The following TBCK variants were observed in gnomAD, a reference collection of about 807,000 sequenced individuals.
The protein encoded by TBCK is TBC domain-containing protein kinase-like protein.
Under a neutral mutation model 113.4 loss-of-function variants are expected in TBCK, and 99 were observed. The observed-to-expected ratio is 0.87, with a 90% CI of 0.74 to 1.03. TBCK has a LOEUF of 1.03. Ranked by LOEUF, TBCK falls within the 50% of genes least tolerant of loss-of-function variation. TBCK has a pLI of 0.00. For synonymous variants in TBCK, 369 were observed against 370.8 expected, an observed-to-expected ratio of 1.00 and a Z score of 0.05; for missense variants, 1,045 against 1,061.3, an observed-to-expected ratio of 0.98 and a Z score of 0.21.
chr4:106,308,938 T>A lies in TBCK; in HGVS notation c.23A>T (p.Glu8Val). 9 of 1,614,002 alleles carry A rather than the reference T, an allele frequency of 5.6e-6. No homozygotes were observed. The highest frequency in any genetic ancestry group is 7.6e-6 in the Non-Finnish European group (9 of 1,179,970). Residue 8 changes from glutamate to valine, a missense_variant, in exon 2 of 26, where the codon GAA becomes GTA. By Grantham distance (121) the Glu-to-Val change is moderately radical. Transcript: ENST00000394708. ...GGCAAAGAAGGTAAAGGCTCCCATT[T>A]CAGCGTCCTTCAGGGGAAACATTTT... MFPLKDA[E>V]MGAFTFFASA...
At chr4:106,146,733 G>C (rs1049547841) in intron 23 of TBCK, among the ~76,000 whole-genome samples, 2 of 152,160 alleles carry the variant, frequency 1.3e-5, no homozygotes, top group African/African-American at 4.8e-5. Context: ...TGAAGGCTGA[G>C]GTGGCTGTGG....
intron 25 of TBCK, among the ~76,000 whole-genome samples, chr4:106,083,597 T>A (rs1009609141): frequency 6.6e-6 from 1 of 152,126 alleles, no homozygotes; most frequent in African/African-American, 2.4e-5. Context: ...AAGTACTTCA[T>A]TAAACAGGTC....
chr4:106,161,710 G>A (rs904958490), intron 23 of TBCK, among the ~76,000 whole-genome samples: 1 of 151,808 alleles, frequency 6.6e-6, no homozygotes, highest in Non-Finnish European at 1.5e-5. Flanking sequence ...CTGTGTGTGT[G>A]TGTGTGTGTG....
intron 25 of TBCK, among the ~76,000 whole-genome samples, chr4:106,085,542 T>TA (rs1482442261): frequency 2.0e-5 from 3 of 152,130 alleles, no homozygotes; most frequent in Admixed American, 2.0e-4. Context: ...CCACTGTCAG[T>TA]ATTAGATCAA....
intron 25 of TBCK, among the ~76,000 whole-genome samples, chr4:106,051,073 G>A (rs774652620): frequency 1.3e-4 from 20 of 151,936 alleles, no homozygotes; most frequent in Non-Finnish European, 4.4e-5. Flanking sequence ...GCAGTAGCAG[G>A]AGAATAAGTG....
chr4:106,189,980 A>C (rs571106277), intron 22 of TBCK, among the ~76,000 whole-genome samples: 180 of 152,262 alleles, frequency 1.2e-3, no homozygotes, highest in African/African-American at 4.1e-3. Context: ...AATAATTTCA[A>C]ATATTATCTT....
intron 23 of TBCK, among the ~76,000 whole-genome samples, chr4:106,147,002 T>C (rs1747878440): frequency 6.6e-6 from 1 of 152,202 alleles, no homozygotes; most frequent in African/African-American, 2.4e-5. Context: ...CTAAGAAACT[T>C]TTTTTGCTCA....
intron 3 of TBCK, among the ~76,000 whole-genome samples, chr4:106,292,549 G>A (rs1190077885): frequency 8.8e-5 from 13 of 147,154 alleles, no homozygotes; most frequent in African/African-American, 3.0e-4. Context: ...CAGCCTGGGC[G>A]ACAGAGCAAG....
intron 9 of TBCK, 149 bp from the exon 10 acceptor site, chr4:106,247,436 T>G: frequency 1.6e-6 from 1 of 624,694 alleles, no homozygotes; most frequent in Non-Finnish European, 2.7e-6. Context: ...TCTAGATGCA[T>G]ACTTTTATAT....
chr4:106,296,797 A>G (rs1766357367), intron 2 of TBCK, among the ~76,000 whole-genome samples: 1 of 152,206 alleles, frequency 6.6e-6, no homozygotes, highest in Non-Finnish European at 1.5e-5. Flanking sequence ...AATATTTAAC[A>G]GGAATTTAAA....
chr4:106,254,638 G>C lies in TBCK; in HGVS notation c.456-2631C>G, dbSNP rs150741513. ...TTTCAGTTTAGCCTTTTATATTTAA[G>C]TTTCTTGATTCATCTAGAATTCATT... On this transcript the variant is annotated intron_variant, in intron 5 of 25. Transcript: ENST00000394708. 5.0e-3 allele frequency among the ~76,000 whole-genome samples: 764 copies of C among 151,986 alleles called. 4 individuals carry two copies. Among genetic ancestry groups the C allele is most frequent in the African/African-American group, 0.018 (735 of 41,476 alleles).
chr4:106,146,342 G>A lies in TBCK; in HGVS notation c.2235+24753C>T, dbSNP rs185452537. On this transcript the variant is annotated intron_variant, in intron 23 of 25. Coordinates refer to ENST00000394708, the MANE Select transcript of TBCK (RefSeq NM_001163435.3). ...CTATTATCCTCAGCAAACTAATGCA[G>A]AAACAGAAAACCAAATACTGCATGT... Among the ~76,000 whole-genome samples, 127 of 152,232 alleles carry A rather than the reference G, an allele frequency of 8.3e-4. 3 individuals are homozygous for A. Among genetic ancestry groups the A allele is most frequent in the South Asian group, 8.1e-3 (39 of 4,828 alleles).
At chr4:106,236,302 T>C in intron 14 of TBCK, 88 bp downstream of exon 14, 2 of 970,354 alleles carry the variant, frequency 2.1e-6, no homozygotes, top group Non-Finnish European at 2.7e-6. Flanking sequence ...ATCTTCTTAT[T>C]ACTCAAGATT....
rs192231825 is a variant in TBCK at position 106,186,877 on chromosome 4, T to C, written c.2059+6732A>G. Among the ~76,000 whole-genome samples, 94 of 152,268 alleles carry C rather than the reference T, an allele frequency of 6.2e-4. 1 individual carries two copies. The highest frequency in any genetic ancestry group is 1.0e-3 in the Non-Finnish European group (69 of 68,008). ...AGGATTCTTATTGTTTGTGGTCTTA[T>C]ATTTAAACCTTTATTCCCTCTCGAG... On this transcript the variant is annotated intron_variant, in intron 22 of 25. Transcript: ENST00000394708.
chr4:106,090,048 TG>T (rs1437972808), intron 25 of TBCK, among the ~76,000 whole-genome samples: 1 of 152,184 alleles, frequency 6.6e-6, no homozygotes, highest in Non-Finnish European at 1.5e-5. Context: ...CGTTTCCCAT[TG>T]GCACTGCCCT....
At chr4:106,116,130 C>T in intron 24 of TBCK, 73 bp downstream of exon 24, 1 of 1,420,784 alleles carries the variant, frequency 7.0e-7, no homozygotes, top group Non-Finnish European at 9.5e-7. Context: ...TTTTTAACCA[C>T]ACAACACTTA....
chr4:106,149,014 C>G (rs1484860813), intron 23 of TBCK, among the ~76,000 whole-genome samples: 1 of 152,218 alleles, frequency 6.6e-6, no homozygotes, highest in East Asian at 1.9e-4. Flanking sequence ...TCACCCTGTA[C>G]TTTTACGTTT....
chr4:106,256,253 C>T (rs1020927547), intron 5 of TBCK, among the ~76,000 whole-genome samples: 4 of 152,136 alleles, frequency 2.6e-5, no homozygotes, highest in Admixed American at 6.5e-5. Flanking sequence ...GGGACCTGCC[C>T]CCTTCTACCC....
intron 10 of TBCK, among the ~76,000 whole-genome samples, chr4:106,245,895 TAGCCAACTCTAGTTCACA>T (rs1760742180): frequency 1.3e-5 from 2 of 152,060 alleles, no homozygotes; most frequent in Admixed American, 1.3e-4. Flanking sequence ...TAGATCCCAT[TAGCCAACTCTAGTTCACA>T]AGCTTACTGC....
Sources: gnomAD v4.1 joint callset for allele counts (sites outside exome capture counted in the v4.1 genomes callset) on GRCh38, gnomAD v4.1.1 for gene constraint, MANE v1.5 for transcripts, NCBI Gene and HGNC (gene_info 2026-07-23, HGNC 2026-07-21) for gene names.